HERC1: variants seen among roughly 807,000 people sequenced by gnomAD.
The protein encoded by HERC1 is HECT and RLD domain containing E3 ubiquitin protein ligase family member 1.
A neutral mutation model predicts 554.3 loss-of-function variants in HERC1; 160 were observed. The observed-to-expected ratio is 0.29, with a 90% CI of 0.25 to 0.33. The LOEUF (loss-of-function observed/expected upper bound fraction) is 0.33, where lower values mean the gene tolerates loss of function less well. HERC1 is among the 10% of genes least tolerant of loss of function. HERC1 has a pLI of 1.00. For missense variants in HERC1, 4,919 were observed against 5,918.5 expected, an observed-to-expected ratio of 0.83 and a Z score of 5.54; for synonymous variants, 2,175 against 2,131.7, an observed-to-expected ratio of 1.02 and a Z score of -0.56.
At position 63,727,151 on chromosome 15, in the gene HERC1, C is replaced by T. The variant is rs1036048195; in HGVS notation, c.3346+496G>A. On this transcript the variant is annotated intron_variant, in intron 17 of 77. Coordinates refer to ENST00000443617, the MANE Select transcript of HERC1 (RefSeq NM_003922.4). The surrounding 1 kb of genome is among the most constrained non-coding windows in gnomAD (Gnocchi z 4.3). The stretch of plus-strand genomic sequence containing the variant: ...ATTAGCTGGACGTGGTGGTGCATGC[C>T]TGTAATCCCAGCTACTCAGGAGGTT... Among the ~76,000 whole-genome samples the T allele has an allele frequency of 4.6e-5, 7 of 152,078 alleles. No individual in the cohort carries two copies. Among genetic ancestry groups the T allele is most frequent in the Non-Finnish European group, 4.4e-5 (3 of 68,020 alleles).
intron 40 of HERC1, among the ~76,000 whole-genome samples, chr15:63,667,106 T>C (rs1183489553): frequency 1.3e-5 from 2 of 152,218 alleles, no homozygotes; most frequent in African/African-American, 2.4e-5. Flanking sequence ...TGATGAGCTA[T>C]AGTGTTGGTG....
rs755634840 is a variant in HERC1, at chr15:63,655,695, TAAG to T, written c.10084+44_10084+46del. 64 of 1,263,948 alleles carry T rather than the reference TAAG, an allele frequency of 5.1e-5. 2 individuals are homozygous for T. The South Asian group carries it at 8.9e-4, about 17-fold the overall frequency. 78.3% of individuals were successfully genotyped at this position (1,263,948 alleles called of 1,614,324 possible). A position where few individuals can be genotyped will look rare whatever the true frequency, so the allele number is the denominator to read the frequency against. On this transcript the variant is annotated intron_variant, in intron 50 of 77. Transcript: ENST00000443617. ...ACAATGTAAAAACATTATTTAAAAA[TAAG>T]AAGTCGATTAGAAGACTGTATGTTT...
At position 63,716,490 on chromosome 15, in the gene HERC1, G is replaced by C. The variant is rs758744080; in HGVS notation, c.3979-17C>G. On this transcript the variant is annotated splice_polypyrimidine_tract_variant and intron_variant, in intron 21 of 77. Transcript: ENST00000443617. ...TTCTGATATCTTAAAGAAATTATCA[G>C]AAACTACACTAAATACATTTTTTCC... 1 of 1,557,572 alleles carries C rather than the reference G, an allele frequency of 6.4e-7. No individual in the cohort carries two copies.
chr15:63,810,002 A>G (rs1216436308), intron 1 of HERC1, among the ~76,000 whole-genome samples: 1 of 152,172 alleles, frequency 6.6e-6, no homozygotes, highest in Non-Finnish European at 1.5e-5. Flanking sequence ...GTCCACAAAT[A>G]ATAAACTGGT....
Position 63,734,110 on chromosome 15 carries a change from T to G in HERC1, c.2646+614A>C, listed in dbSNP as rs1467238459. On this transcript the variant is annotated intron_variant, in intron 13 of 77. Transcript: ENST00000443617. The surrounding 1 kb of genome is among the most constrained non-coding windows in gnomAD (Gnocchi z 4.6). ...TGAGCTTAGGAGTTCAAGGTTAGAG[T>G]GAGCTATGATTGCACCACCCTACTC... Among the ~76,000 whole-genome samples the G allele has an allele frequency of 6.6e-6, 1 of 151,808 alleles. No individual in the cohort carries two copies. The highest frequency in any genetic ancestry group is 2.1e-4 in the South Asian group (1 of 4,804).
intron 17 of HERC1, among the ~76,000 whole-genome samples, chr15:63,725,832 T>G (rs2074016883): frequency 6.6e-6 from 1 of 152,184 alleles, no homozygotes; most frequent in South Asian, 2.1e-4. Flanking sequence ...TTCACTATCT[T>G]TAGGGAGTAT....
rs1007487797 is a variant in HERC1, at chr15:63,733,071, T to G, written c.2721A>C (p.Ser907=). The G allele has an allele frequency of 2.5e-6, 4 of 1,613,750 alleles. No individual in the cohort carries two copies. The highest frequency in any genetic ancestry group is 3.3e-5 in the Admixed American group (2 of 59,990). ...THVASLLGYS[S]PSDAADLSSV... Reference sequence around the variant, plus strand: ...AAGATAGGTCAGCAGCATCAGAGGGTGAACTATAGCCAAGTAGGGAGGCTA... The same window carrying G: ...AAGATAGGTCAGCAGCATCAGAGGGGGAACTATAGCCAAGTAGGGAGGCTA... The change falls in exon 14 of 78, where the codon TCA becomes TCC. Residue 907 remains serine, a synonymous_variant. Coordinates refer to ENST00000443617, the MANE Select transcript of HERC1 (RefSeq NM_003922.4).
chr15:63,819,865 G>A (rs2077624424), intron 1 of HERC1, among the ~76,000 whole-genome samples: 1 of 152,108 alleles, frequency 6.6e-6, no homozygotes, highest in South Asian at 2.1e-4. Context: ...CTAGCTGCAT[G>A]ATCTTAGGCA....
At chr15:63,828,352 T>A in intron 1 of HERC1, among the ~76,000 whole-genome samples, 1 of 152,156 alleles carries the variant, frequency 6.6e-6, no homozygotes, top group East Asian at 1.9e-4. Flanking sequence ...TCCTTTTTTT[T>A]TTTTAAGACA....
At chr15:63,766,818 C>T (rs2075793709) in intron 2 of HERC1, among the ~76,000 whole-genome samples, 1 of 151,530 alleles carries the variant, frequency 6.6e-6, no homozygotes, top group South Asian at 2.1e-4. Context: ...GCTGGGATTA[C>T]AGGCATGAGC....
chr15:63,739,194 A>ATATATATTT (rs1567071803), intron 12 of HERC1, among the ~76,000 whole-genome samples: 3 of 50,640 alleles, frequency 5.9e-5, no homozygotes, highest in African/African-American at 2.1e-4. Flanking sequence ...CCACTAATAT[A>ATATATATTT]CTTTTTTTTT....
In HERC1 at chr15:63,663,047, G is replaced by C. The variant is rs2070437395; in HGVS notation, c.8838C>G (p.Asp2946Glu). Residue 2946 changes from aspartate to glutamate, a missense_variant, in exon 44 of 78, where the codon GAC becomes GAG. Asp to Glu is a conservative substitution (Grantham distance 45). This residue lies in a region of HERC1 where 1,963 missense variants were observed against 2,228.6 expected (regional missense o/e 0.88). Coordinates refer to ENST00000443617, the MANE Select transcript of HERC1 (RefSeq NM_003922.4). The stretch of plus-strand genomic sequence containing the variant: ...CCAGAATATCATTGTCACTGGTCAG[G>C]TCTTGTCCAAACATAGCTTCCATCG... Reference protein sequence around the residue: ...DEAMEAMFGQDLTSDNDILGM... With the variant: ...DEAMEAMFGQELTSDNDILGM... The C allele has an allele frequency of 6.2e-7, 1 of 1,613,814 alleles. No homozygotes were observed. Among genetic ancestry groups the C allele is most frequent in the Non-Finnish European group, 8.5e-7 (1 of 1,179,868 alleles).
intron 22 of HERC1, 144 bp from the exon 23 acceptor site, chr15:63,713,809 GTTAAC>G (rs1334391846): frequency 1.7e-6 from 1 of 585,374 alleles, no homozygotes; most frequent in African/African-American, 1.9e-5. Flanking sequence ...ATACAACATA[GTTAAC>G]TTAGTTAAAA....
intron 33 of HERC1, among the ~76,000 whole-genome samples, chr15:63,687,056 A>T (rs2071800298): frequency 6.6e-6 from 1 of 152,220 alleles, no homozygotes. Context: ...GAAGAAATCA[A>T]ATCATGGAAA....
rs2071292306 is a variant in HERC1, at chr15:63,678,021, A to G, written c.6894T>C (p.Thr2298=). The part of the protein sequence containing the change: ...LADLSELQLR[T]LCIEVWPVLA... ...GCACGGGCCACACCTCTATGCAAAG[A>G]GTCCTCAGCTGCAGCTCTGAGAGGT... Residue 2298 remains threonine, a synonymous_variant, in exon 37 of 78, where the codon ACT becomes ACC. Coordinates refer to ENST00000443617, the MANE Select transcript of HERC1 (RefSeq NM_003922.4). 2 of 1,613,994 alleles carry G rather than the reference A, an allele frequency of 1.2e-6. No homozygotes were observed. The highest frequency in any genetic ancestry group is 4.5e-5 in the East Asian group (2 of 44,884).
At chr15:63,827,513 GA>G (rs767042888) in intron 1 of HERC1, among the ~76,000 whole-genome samples, 8 of 151,576 alleles carry the variant, frequency 5.3e-5, no homozygotes, top group African/African-American at 1.7e-4. Flanking sequence ...ACTATTGAGT[GA>G]AAAAAAGTGC....
At chr15:63,641,796 G>C (rs1384700618) in intron 59 of HERC1, among the ~76,000 whole-genome samples, 153 bp from the exon 60 acceptor site, 1 of 152,010 alleles carries the variant, frequency 6.6e-6, no homozygotes, top group Non-Finnish European at 1.5e-5. Context: ...AATGCCTATG[G>C]AACTTCAAAA....
intron 38 of HERC1, 49 bp from the exon 39 acceptor site, chr15:63,672,743 A>G: frequency 1.5e-6 from 2 of 1,307,966 alleles, no homozygotes; most frequent in Non-Finnish European, 2.1e-6. Flanking sequence ...TTGTTTTTTC[A>G]AAAATAACAG....
rs1251612668 is a variant in HERC1, at chr15:63,727,768, C to T, written c.3225G>A (p.Val1075=). The T allele has an allele frequency of 6.2e-7, 1 of 1,613,964 alleles. No homozygotes were observed. The highest frequency in any genetic ancestry group is 1.1e-5 in the South Asian group (1 of 91,082). The change falls in exon 17 of 78, where the codon GTG becomes GTA. Residue 1075 remains valine (V), a synonymous_variant. Coordinates refer to ENST00000443617, the MANE Select transcript of HERC1 (RefSeq NM_003922.4). This position sits in a 1 kb window ranked among gnomAD's most constrained non-coding sequence, Gnocchi z 4.3. The part of the protein sequence containing the change: ...QIVNSLLLLP[V]SVARPLLSYL... ...AACTCAATAAAGGCCGAGCCACTGA[C>T]ACAGGGAGTAACAGCAGGGAGTTAA...
Sources: gnomAD v4.1 joint callset for allele counts (sites outside exome capture counted in the v4.1 genomes callset) on GRCh38, gnomAD v4.1.1 for gene constraint, gnomAD v4.1.1 regional missense constraint, Gnocchi (gnomAD v3.1) non-coding constraint, MANE v1.5 for transcripts, NCBI Gene and HGNC (gene_info 2026-07-23, HGNC 2026-07-21) for gene names.